The following PDE4A variants were observed in gnomAD, a reference collection of about 807,000 sequenced individuals.
PDE4A encodes the protein 3',5'-cyclic-AMP phosphodiesterase 4A.
A neutral mutation model predicts 73.9 loss-of-function variants in PDE4A; 21 were observed. That is an observed-to-expected ratio of 0.28 (90% CI 0.20 to 0.41). The LOEUF is 0.41. Ranked by LOEUF, PDE4A falls within the 10% of genes least tolerant of loss-of-function variation. PDE4A has a pLI of 1.00. For synonymous variants in PDE4A, 463 were observed against 505.4 expected (o/e 0.92, Z 1.13); for missense variants, 958 against 1,211.4 (o/e 0.79, Z 3.10).
intron 5 of PDE4A, 21 bp from the exon 6 acceptor site, chr19:10,450,808 C>T (rs2043078065): frequency 6.3e-7 from 1 of 1,593,472 alleles, no homozygotes; most frequent in Admixed American, 1.8e-5. Context: ...TCAGTCACTA[C>T]CCTGGCTGCC....
At chr19:10,452,195 C>T (rs1456079303) in intron 6 of PDE4A, among the ~76,000 whole-genome samples, 3 of 151,556 alleles carry the variant, frequency 2.0e-5, no homozygotes, top group Non-Finnish European at 4.4e-5. Context: ...GTGTGGCTGG[C>T]TGGGGAGGCC....
At chr19:10,419,150 A>G (rs1599392073), upstream of PDE4A, 1 of 910,230 alleles carries the variant, frequency 1.1e-6, no homozygotes, top group South Asian at 5.3e-5. Flanking sequence ...AGCCCGTGAC[A>G]GGGGGCGCAC....
intron 4 of PDE4A, 54 bp downstream of exon 4, chr19:10,449,204 G>A: frequency 1.3e-6 from 2 of 1,577,732 alleles, no homozygotes; most frequent in Non-Finnish European, 1.7e-6. Context: ...GCATATGCGG[G>A]TTCTGCTCTC....
Position 10,467,385 on chromosome 19 carries a change from A to G in PDE4A, c.2425A>G (p.Ser809Gly), listed in dbSNP as rs759546248. ...GGAATTCGTGGTTGCTGTAAGCCACAGCAGCCCCTCTGCCCTGGCTCTTCA... is the reference window on the plus strand; with the variant it reads ...GGAATTCGTGGTTGCTGTAAGCCACGGCAGCCCCTCTGCCCTGGCTCTTCA... The part of the protein sequence containing the change: ...REEFVVAVSH[S>G]SPSALALQSP... The change falls in exon 15 of 15, where the codon AGC becomes GGC. Residue 809 changes from serine (S) to glycine (G), a missense_variant. This residue lies in a region of PDE4A where 243 missense variants were observed against 245.9 expected (regional missense o/e 0.99). Coordinates refer to ENST00000380702, the MANE Select transcript of PDE4A (RefSeq NM_001111307.2). 3 of 1,614,114 alleles carry G rather than the reference A, an allele frequency of 1.9e-6. No homozygotes were observed. In the South Asian group the frequency reaches 3.3e-5, roughly 18 times the overall value.
Position 10,450,812 on chromosome 19 carries a change from G to T in PDE4A, c.671-17G>T, listed in dbSNP as rs201358291. ...TACAGACCTTCTCAGTCACTACCCT[G>T]GCTGCCCCTTCCTTAGAAGAAACGT... On this transcript the variant is annotated splice_polypyrimidine_tract_variant and intron_variant, in intron 5 of 14. Transcript: ENST00000380702. 3.8e-5 allele frequency: 60 copies of T among 1,596,616 alleles called. No homozygotes were observed. Among genetic ancestry groups the T allele is most frequent in the Non-Finnish European group, 4.9e-5 (57 of 1,171,926 alleles).
intron 14 of PDE4A, among the ~76,000 whole-genome samples, chr19:10,465,323 C>G (rs190525684): frequency 2.0e-5 from 3 of 151,852 alleles, no homozygotes; most frequent in Non-Finnish European, 2.9e-5. Context: ...CGGGTTCAAG[C>G]GATTCTCCTG....
At chr19:10,432,496 C>A in intron 1 of PDE4A, 1 of 1,514,756 alleles carries the variant, frequency 6.6e-7, no homozygotes, top group South Asian at 1.3e-5. Flanking sequence ...CTGCCCCCCA[C>A]GGGCCCCGAG....
At position 10,453,095 on chromosome 19, in the gene PDE4A, C is replaced by T. The variant is rs1310077415; in HGVS notation, c.784-1734C>T. The T allele has an allele frequency of 1.0e-5, 14 of 1,351,856 alleles. No individual in the cohort carries two copies. The East Asian group carries it at 1.2e-4, about 12-fold the overall frequency. The allele number at this position is 1,351,856 out of a possible 1,614,324, so 83.7% of individuals were successfully genotyped here. On this transcript the variant is annotated intron_variant, in intron 6 of 14. Coordinates refer to ENST00000380702, the MANE Select transcript of PDE4A (RefSeq NM_001111307.2). The surrounding 1 kb of genome is among the most constrained non-coding windows in gnomAD (Gnocchi z 4.6). ...ATGTAACCAGGGCTGCTGCTGGGAG[C>T]GCGGAGGGGAAGGGAGCCCCCAGCC...
intron 1 of PDE4A, among the ~76,000 whole-genome samples, chr19:10,437,275 C>A (rs903005877): frequency 1.3e-5 from 2 of 152,164 alleles, no homozygotes; most frequent in African/African-American, 4.8e-5. Flanking sequence ...AGGCGCACAC[C>A]AGCACGCCAA....
intron 2 of PDE4A, among the ~76,000 whole-genome samples, chr19:10,447,852 C>G (rs923974381): frequency 6.6e-6 from 1 of 152,156 alleles, no homozygotes. Context: ...GCCTCTTCCT[C>G]TCTCACTGGG....
At chr19:10,443,269 C>T (rs2145512699) in intron 1 of PDE4A, among the ~76,000 whole-genome samples, 1 of 152,144 alleles carries the variant, frequency 6.6e-6, no homozygotes, top group Non-Finnish European at 1.5e-5. Flanking sequence ...GCCTGTAATC[C>T]CAGTGTTTTG....
At chr19:10,418,727 C>A, upstream of PDE4A, 2 of 984,600 alleles carry the variant, frequency 2.0e-6, no homozygotes, top group Non-Finnish European at 2.4e-6. Context: ...CCAGCTGTGT[C>A]CTGACACCCC....
chr19:10,463,443 C>T (rs1200524676), intron 13 of PDE4A, among the ~76,000 whole-genome samples: 8 of 147,052 alleles, frequency 5.4e-5, no homozygotes, highest in Non-Finnish European at 9.0e-5. Context: ...ACTCTGTCGC[C>T]CAGGCTGGAG....
intron 5 of PDE4A, 45 bp from the exon 6 acceptor site, chr19:10,450,784 G>A (rs757244997): frequency 3.2e-6 from 5 of 1,581,366 alleles, no homozygotes; most frequent in Non-Finnish European, 4.3e-6. Context: ...CTGGGCTTCT[G>A]CCTACAGACC....
chr19:10,430,469 C>T (rs1373057367), intron 1 of PDE4A, among the ~76,000 whole-genome samples: 2 of 151,090 alleles, frequency 1.3e-5, no homozygotes, highest in East Asian at 3.9e-4. Flanking sequence ...AATGAGGGTG[C>T]TCCTTGGGAT....
chr19:10,465,557 G>T (rs981036108), intron 14 of PDE4A, among the ~76,000 whole-genome samples: 25 of 151,572 alleles, frequency 1.6e-4, no homozygotes, highest in African/African-American at 5.6e-4. Context: ...AATGCCTCCA[G>T]ACATTGCCAA....
chr19:10,432,521 C>A (rs956967020), intron 1 of PDE4A: 6 of 1,525,358 alleles, frequency 3.9e-6, no homozygotes, highest in Non-Finnish European at 5.3e-6. Flanking sequence ...TGACCCACTT[C>A]CCCTTCAGCG....
At chr19:10,455,986 C>G (rs1166214217) in intron 7 of PDE4A, among the ~76,000 whole-genome samples, 4 of 151,278 alleles carry the variant, frequency 2.6e-5, no homozygotes, top group Admixed American at 2.0e-4. Flanking sequence ...AACCTCCAAA[C>G]TGAAAAACCC....
At chr19:10,466,684 C>G (rs145045500) in intron 14 of PDE4A, 3 of 237,210 alleles carry the variant, frequency 1.3e-5, no homozygotes, top group Non-Finnish European at 2.1e-5. Flanking sequence ...GGTAGAGATG[C>G]GGTTTCACCA....
Sources: allele counts gnomAD v4.1 joint callset (sites outside exome capture counted in the v4.1 genomes callset), GRCh38; gene constraint gnomAD v4.1.1; regional missense constraint gnomAD v4.1.1; non-coding constraint Gnocchi (gnomAD v3.1); transcripts MANE v1.5; gene names NCBI Gene and HGNC (gene_info 2026-07-23, HGNC 2026-07-21).